The following KANSL3 variants were observed in gnomAD, a reference collection of about 807,000 sequenced individuals.
KANSL3 encodes the protein NSL complex protein NSL3.
KANSL3 carries 16 observed loss-of-function variants against 89.2 expected under a neutral mutation model. That is an observed-to-expected ratio of 0.18 (90% confidence interval 0.12 to 0.27). KANSL3 has a LOEUF of 0.27. KANSL3 is among the 10% of genes least tolerant of loss of function. The pLI, the probability that KANSL3 is intolerant of heterozygous loss-of-function variation, is 1.00. For missense variants in KANSL3, 879 were observed against 1,110.6 expected (o/e 0.79, Z 2.96); for synonymous variants, 385 against 419.7 (o/e 0.92, Z 1.01).
At chr2:96,585,493 G>C in the KANSL3 span, among the ~76,000 whole-genome samples, 2 of 152,134 alleles carry the variant, frequency 1.3e-5, no homozygotes, top group Non-Finnish European at 2.9e-5. Flanking sequence ...CATGAAAAGG[G>C]AACACTTTTA....
At chr2:96,595,928 G>A (rs369591366) in intron 20 of KANSL3, among the ~76,000 whole-genome samples, 6 of 152,258 alleles carry the variant, frequency 3.9e-5, no homozygotes, top group African/African-American at 9.6e-5. Context: ...CAGGGTCACC[G>A]TAAGGATTAA....
At position 96,610,778 on chromosome 2, in the gene KANSL3, T is replaced by C; in HGVS notation, c.1267A>G (p.Ile423Val). The C allele has an allele frequency of 6.2e-7, 1 of 1,613,980 alleles. No individual in the cohort carries two copies. ...PEAMEDFREK[I>V]RAENSLVVVG... ...ACCACCAAGCTGTTCTCAGCTCGAA[T>C]CTTCTCCCGGAAGTCCTCCATGGCT... The change falls in exon 11 of 21, where the codon ATT becomes GTT. Residue 423 changes from isoleucine to valine, a missense_variant. This residue lies in a region of KANSL3 where 198 missense variants were observed against 260.3 expected (regional missense o/e 0.76). Transcript: ENST00000431828.
intron 9 of KANSL3, among the ~76,000 whole-genome samples, chr2:96,611,670 G>A (rs1043240075): frequency 2.0e-5 from 3 of 152,108 alleles, no homozygotes; most frequent in African/African-American, 7.2e-5. Context: ...AAAATTAAGG[G>A]TTTGGACATG....
chr2:96,586,879 C>G, the KANSL3 span, among the ~76,000 whole-genome samples: 1 of 152,204 alleles, frequency 6.6e-6, no homozygotes, highest in South Asian at 2.1e-4. Flanking sequence ...TTAGCCATAT[C>G]CCTTCTACTT....
rs2066361801 is a variant in KANSL3 at position 96,593,749 on chromosome 2, G to C, written c.*1862C>G. 1.2e-5 allele frequency: 2 copies of C among 172,946 alleles called. No individual in the cohort carries two copies. Among genetic ancestry groups the C allele is most frequent in the Non-Finnish European group, 2.5e-5 (2 of 79,906 alleles). 10.7% of individuals were successfully genotyped at this position (172,946 alleles called of 1,614,324 possible). On this transcript the variant is annotated 3_prime_UTR_variant, in exon 21 of 21. Transcript: ENST00000431828. ...GAATGGGTTGTTTAGGGCTCTGTCT[G>C]TCCTAAATGATTCCTAAAAGCTTCA...
intron 5 of KANSL3, 117 bp from the exon 6 acceptor site, chr2:96,613,736 C>T (rs139538879): frequency 7.3e-6 from 6 of 826,690 alleles, no homozygotes; most frequent in Non-Finnish European, 1.1e-5. Context: ...TCAACTAAGC[C>T]TCTGAAAACC....
intron 11 of KANSL3, 117 bp downstream of exon 11, chr2:96,610,609 C>T (rs959308496): frequency 2.8e-5 from 34 of 1,212,494 alleles, no homozygotes; most frequent in Middle Eastern, 2.9e-4. Flanking sequence ...GCCACCGCGC[C>T]CGGCTAATGC....
At chr2:96,612,376 CA>C (rs752420694) in intron 8 of KANSL3, 23 bp from the exon 9 acceptor site, 1 of 1,610,082 alleles carries the variant, frequency 6.2e-7, no homozygotes, top group South Asian at 1.1e-5. Context: ...AGAAAGAAGA[CA>C]GTAAGACAGG....
intron 2 of KANSL3, among the ~76,000 whole-genome samples, chr2:96,634,776 C>T (rs970933906): frequency 6.6e-6 from 1 of 152,148 alleles, no homozygotes; most frequent in Admixed American, 6.5e-5. Flanking sequence ...AGCTGATTAT[C>T]TTCTCCAGGC....
At chr2:96,601,324 C>G (rs1236873954) in intron 20 of KANSL3, 1 of 985,128 alleles carries the variant, frequency 1.0e-6, no homozygotes, top group Non-Finnish European at 1.2e-6. Flanking sequence ...CTACTCATAA[C>G]CTCTGAAGGA....
Position 96,612,554 on chromosome 2 carries a change from C to T in KANSL3, c.922G>A (p.Val308Ile), listed in dbSNP as rs903914992. Residue 308 changes from valine to isoleucine, a missense_variant, in exon 8 of 21, where the codon GTA (valine) becomes ATA (isoleucine). Val to Ile is a conservative substitution (Grantham distance 29, BLOSUM62 3). Transcript: ENST00000431828. ...CCATTGTTCAGCAGATGGGTGGCTA[C>T]AGGGATGACCTGAAGGAAAGAAGTA... is the stretch of plus-strand genomic sequence containing the variant. ...QLSCLGKVIPVATHLLNNGSG... is the reference protein window; with the variant it reads ...QLSCLGKVIPIATHLLNNGSG... 6.2e-7 allele frequency: 1 copy of T among 1,613,350 alleles called. No homozygotes were observed. The highest frequency in any genetic ancestry group is 8.5e-7 in the Non-Finnish European group (1 of 1,179,394).
intron 7 of KANSL3, 31 bp downstream of exon 7, chr2:96,612,787 A>T: frequency 6.7e-7 from 1 of 1,484,800 alleles, no homozygotes; most frequent in Non-Finnish European, 9.2e-7. Context: ...ATTCCCTGCC[A>T]GGAAGGAGTT....
chr2:96,591,017 CAAAA>C (rs2066267043), downstream of KANSL3, among the ~76,000 whole-genome samples: 1 of 151,994 alleles, frequency 6.6e-6, no homozygotes, highest in Non-Finnish European at 1.5e-5. Flanking sequence ...CAAAACAAAA[CAAAA>C]CAAAACCACT....
chr2:96,606,585 T>TGG, intron 14 of KANSL3: 1 of 182,876 alleles, frequency 5.5e-6, no homozygotes, highest in Non-Finnish European at 1.1e-5. Flanking sequence ...GAGTTTCAGG[T>TGG]TCTATGCTGA....
chr2:96,622,409 CAA>C (rs781666671), intron 3 of KANSL3, among the ~76,000 whole-genome samples: 14 of 108,070 alleles, frequency 1.3e-4, no homozygotes, highest in East Asian at 2.5e-4. Flanking sequence ...GACCTCGTCT[CAA>C]AAAAAAAAAA....
intron 20 of KANSL3, among the ~76,000 whole-genome samples, chr2:96,597,828 CTT>C (rs2066684176): frequency 6.6e-6 from 1 of 152,152 alleles, no homozygotes; most frequent in African/African-American, 2.4e-5. Context: ...GTTTCGATCT[CTT>C]GACCTCGTGA....
chr2:96,612,345 G>A lies in KANSL3; in HGVS notation c.1023C>T (p.Ser341=), dbSNP rs376949930. Reference sequence around the variant, plus strand: ...AGATAATGGGTTTGTGTGGGAAATGGCTGTGAATCTTCATGGGAAGAGAAA... The same window carrying A: ...AGATAATGGGTTTGTGTGGGAAATGACTGTGAATCTTCATGGGAAGAGAAA... ...AVRSKVLEIH[S]HFPHKPIILI... is the part of the protein sequence containing the mutation. Residue 341 remains serine, a synonymous_variant, in exon 9 of 21, where the codon AGC becomes AGT. Coordinates refer to ENST00000431828, the MANE Select transcript of KANSL3 (RefSeq NM_001115016.3). 12 of 1,613,580 alleles carry A rather than the reference G, an allele frequency of 7.4e-6. No homozygotes were observed. The highest frequency in any genetic ancestry group is 1.0e-5 in the Non-Finnish European group (12 of 1,179,554).
intron 20 of KANSL3, chr2:96,598,295 T>A: frequency 5.3e-6 from 1 of 188,802 alleles, no homozygotes; most frequent in Non-Finnish European, 9.9e-6. Flanking sequence ...AGGATTGAAT[T>A]ACCCCTTTTA....
At chr2:96,584,680 ATG>A in the KANSL3 span, among the ~76,000 whole-genome samples, 1 of 152,154 alleles carries the variant, frequency 6.6e-6, no homozygotes, top group African/African-American at 2.4e-5. Context: ...AAGTTCATCC[ATG>A]TTGCTGCAAA....
Sources: gnomAD v4.1 joint callset for allele counts (sites outside exome capture counted in the v4.1 genomes callset) on GRCh38, gnomAD v4.1.1 for gene constraint, gnomAD v4.1.1 regional missense constraint, MANE v1.5 for transcripts, NCBI Gene and HGNC (gene_info 2026-07-23, HGNC 2026-07-21) for gene names.